The following CLUH variants were observed in gnomAD, a reference collection of about 807,000 sequenced individuals.
CLUH encodes CLUH binding protein of NUMT mRNA.
CLUH carries 77 observed loss-of-function variants against 139.3 expected under a neutral mutation model. The ratio of observed to expected loss-of-function variants is 0.55; its 90% confidence interval spans 0.46 to 0.67. CLUH has a LOEUF of 0.67. Ranked by LOEUF, CLUH falls within the 30% of genes least tolerant of loss-of-function variation. CLUH has a pLI of 0.00. For synonymous variants in CLUH, 999 were observed against 801.6 expected, an observed-to-expected ratio of 1.25 and a Z score of -4.16; for missense variants, 1,876 against 1,875.8, an observed-to-expected ratio of 1.00 and a Z score of 0.00.
chr17:2,703,517 G>C lies in CLUH; in HGVS notation c.304-28C>G, dbSNP rs369451570. The stretch of plus-strand genomic sequence containing the variant: ...GCAGGGAGAAGGCCCCGCCCACCCC[G>C]GTGAGAGAGCACGTAGCGGGGAGAG... On this transcript the variant is annotated intron_variant, in intron 2 of 25. Transcript: ENST00000651024. The surrounding 1 kb of genome is among the most constrained non-coding windows in gnomAD (Gnocchi z 4.2). 2.5e-6 allele frequency: 4 copies of C among 1,605,850 alleles called. No individual in the cohort carries two copies. The African/African-American group carries it at 4.0e-5, about 16-fold the overall frequency.
In CLUH at chr17:2,695,224, G is replaced by A. The variant is rs748372731; in HGVS notation, c.2601C>T (p.Tyr867=). Residue 867 remains tyrosine (Y), a synonymous_variant, in exon 15 of 26, where the codon TAC becomes TAT. Transcript: ENST00000651024. ...TRSAKHIFKT[Y]LQGVELSGLS... is the part of the protein sequence containing the mutation. Reference sequence around the variant, plus strand: ...CAGAGCGGACGGGTGGCACCTGTAAGTACGTCTTGAAGATGTGCTTGGCCG... The same window carrying A: ...CAGAGCGGACGGGTGGCACCTGTAAATACGTCTTGAAGATGTGCTTGGCCG... 11 of 1,613,948 alleles carry A rather than the reference G, an allele frequency of 6.8e-6. No individual in the cohort carries two copies. Among genetic ancestry groups the A allele is most frequent in the Non-Finnish European group, 9.3e-6 (11 of 1,179,870 alleles).
At position 2,698,084 on chromosome 17, in the gene CLUH, G is replaced by A. The variant is rs1463366289; in HGVS notation, c.1773C>T (p.Gly591=). 1.9e-6 allele frequency: 3 copies of A among 1,606,108 alleles called. No homozygotes were observed. The highest frequency in any genetic ancestry group is 2.5e-6 in the Non-Finnish European group (3 of 1,178,138). The change falls in exon 10 of 26, where the codon GGC becomes GGT. Residue 591 remains glycine (G), a synonymous_variant. Transcript: ENST00000651024. ...AGTGGCGCCCGTCGTTGCCAATGAT[G>A]CCCTTGCACTCGACCGAGGAGCAGA... The part of the protein sequence containing the change: ...VELCSSVECK[G]IIGNDGRHYI...
chr17:2,693,844 C>T (rs2069818004), intron 19 of CLUH, 56 bp downstream of exon 19: 2 of 1,549,764 alleles, frequency 1.3e-6, no homozygotes, highest in East Asian at 2.4e-5. Flanking sequence ...GGGGCCCCCT[C>T]ACTCCCCATC....
chr17:2,711,215 A>G (rs2070510219), intron 1 of CLUH: 1 of 152,178 alleles, frequency 6.6e-6, no homozygotes, highest in Non-Finnish European at 1.5e-5. Flanking sequence ...GAGAGCTCCC[A>G]TGCTCGGGCG....
intron 9 of CLUH, among the ~76,000 whole-genome samples, chr17:2,698,849 G>C (rs1255582570): frequency 6.6e-6 from 1 of 152,144 alleles, no homozygotes; most frequent in Non-Finnish European, 1.5e-5. Flanking sequence ...TTCGAGACCA[G>C]CCTGACCAAT....
In CLUH at chr17:2,696,311, C is replaced by T. The variant is rs146153313; in HGVS notation, c.2291-52G>A. 1.4e-4 allele frequency: 209 copies of T among 1,525,002 alleles called. No homozygotes were observed. The African/African-American group carries it at 1.5e-3, about 11-fold the overall frequency. The allele number at this position is 1,525,002 out of a possible 1,614,324, so 94.5% of individuals were successfully genotyped here. On this transcript the variant is annotated intron_variant, in intron 12 of 25. Coordinates refer to ENST00000651024, the MANE Select transcript of CLUH (RefSeq NM_001366661.1). ...AGCCAGGCAGTGGCAAGACAAATGC[C>T]GCCTGGCGCTGGCGGGGGAAGCGCT...
At position 2,692,100 on chromosome 17, in the gene CLUH, G is replaced by T; in HGVS notation, c.3561-3C>A. ...AGACTCGGGCGACAAGGTGGTGGCT[G>T]CCGGGAGGCGCGGCGCGGGGCGAGG... On this transcript the variant is annotated splice_polypyrimidine_tract_variant and splice_region_variant and intron_variant, in intron 22 of 25. Coordinates refer to ENST00000651024, the MANE Select transcript of CLUH (RefSeq NM_001366661.1). 6 of 1,598,380 alleles carry T rather than the reference G, an allele frequency of 3.8e-6. No homozygotes were observed. The highest frequency in any genetic ancestry group is 5.1e-6 in the Non-Finnish European group (6 of 1,173,802).
chr17:2,691,951 G>T (rs1236114924), intron 23 of CLUH, 53 bp downstream of exon 23: 242 of 1,098,788 alleles, frequency 2.2e-4, no homozygotes, highest in African/African-American at 3.0e-4. Context: ...CCCCGCCCCC[G>T]CCCCGCCACG....
chr17:2,703,890 G>C lies in CLUH; in HGVS notation c.304-401C>G, dbSNP rs1019306215. On this transcript the variant is annotated intron_variant, in intron 2 of 25. Transcript: ENST00000651024. This position sits in a 1 kb window ranked among gnomAD's most constrained non-coding sequence, Gnocchi z 4.2. ...TTCCCCTTCCAGAAGGGGTGCTCTG[G>C]GGCCCAAGCCTGCGGGTGCCGAGAC... Among the ~76,000 whole-genome samples the C allele has an allele frequency of 1.1e-4, 16 of 152,182 alleles. No individual in the cohort carries two copies. Among genetic ancestry groups the C allele is most frequent in the Non-Finnish European group, 1.3e-4 (9 of 68,030 alleles).
In CLUH at chr17:2,690,128, C is replaced by CG. The variant is rs2069565838; in HGVS notation, c.*465dup. The CG allele has an allele frequency of 6.4e-6, 1 of 156,398 alleles. No homozygotes were observed. Among genetic ancestry groups the CG allele is most frequent in the Non-Finnish European group, 1.4e-5 (1 of 70,880 alleles). The allele number at this position is 156,398 out of a possible 1,614,324, so 9.7% of individuals were successfully genotyped here. On this transcript the variant is annotated 3_prime_UTR_variant, in exon 26 of 26. Transcript: ENST00000651024. Reference sequence around the variant, plus strand: ...CCTGAACTTTCAGACAGGCTGGGCCCGGGGGTGGTGGCAGCCAAAGCAGCA... The same window carrying CG: ...CCTGAACTTTCAGACAGGCTGGGCCCGGGGGGTGGTGGCAGCCAAAGCAGCA...
chr17:2,707,977 T>A lies in CLUH; in HGVS notation c.101-3413A>T. The A allele has an allele frequency of 1.0e-6, 1 of 985,430 alleles. No homozygotes were observed. The highest frequency in any genetic ancestry group is 1.2e-6 in the Non-Finnish European group (1 of 829,914). 61.0% of individuals were successfully genotyped at this position (985,430 alleles called of 1,614,324 possible). A position where few individuals can be genotyped will look rare whatever the true frequency, so the allele number is the denominator to read the frequency against. The stretch of plus-strand genomic sequence containing the variant: ...TCCATCAAGAAGCTGGCAGGCTCCA[T>A]CTTCCCTTCCCAGCAGCCCCGGCTC... On this transcript the variant is annotated intron_variant, in intron 1 of 25. Transcript: ENST00000651024. This position sits in a 1 kb window ranked among gnomAD's most constrained non-coding sequence, Gnocchi z 7.4.
chr17:2,695,457 G>T lies in CLUH; in HGVS notation c.2461C>A (p.Arg821=), dbSNP rs367657982. 13 of 1,611,416 alleles carry T rather than the reference G, an allele frequency of 8.1e-6. No homozygotes were observed. The highest frequency in any genetic ancestry group is 1.0e-5 in the Non-Finnish European group (12 of 1,179,768). Residue 821 remains arginine, a synonymous_variant, in exon 14 of 26, where the codon CGG becomes AGG. Transcript: ENST00000651024. ...CCCAGGTAGCGCATGTTGATGCCCC[G>T]CTGGCGCATCACCTCTGCCAGCGTT... ...GATLAEVMRQ[R]GINMRYLGKV... is the part of the protein sequence containing the mutation.
Position 2,701,482 on chromosome 17 carries a change from C to T in CLUH, c.783G>A (p.Trp261Ter). 6.2e-7 allele frequency: 1 copy of T among 1,613,882 alleles called. No individual in the cohort carries two copies. The highest frequency in any genetic ancestry group is 8.5e-7 in the Non-Finnish European group (1 of 1,179,866). Residue 261 changes from tryptophan (W) to a stop codon, truncating the protein, a stop_gained, in exon 6 of 26, where the codon TGG becomes TGA. Coordinates refer to ENST00000651024, the MANE Select transcript of CLUH (RefSeq NM_001366661.1). LOFTEE classifies it high-confidence loss of function. ...QCLKVLTMSGWNPPPGNRKMH... is the reference protein window; with the variant it reads ...QCLKVLTMSG ...TCTTCCGGTTCCCCGGGGGCGGGTTCCATCCGCTCATGGTGAGTACTTTCA... is the reference window on the plus strand; with the variant it reads ...TCTTCCGGTTCCCCGGGGGCGGGTTTCATCCGCTCATGGTGAGTACTTTCA...
chr17:2,710,292 G>A (rs1049729036), intron 1 of CLUH, among the ~76,000 whole-genome samples: 1 of 152,210 alleles, frequency 6.6e-6, no homozygotes, highest in Non-Finnish European at 1.5e-5. Context: ...GTAGGTTGGG[G>A]CGATGAGCAT....
intron 9 of CLUH, 90 bp downstream of exon 9, chr17:2,700,292 G>C (rs991042735): frequency 1.6e-6 from 2 of 1,257,988 alleles, no homozygotes; most frequent in Non-Finnish European, 1.1e-6. Flanking sequence ...GGCTGCCCCT[G>C]CCTCCCTTGC....
At chr17:2,694,367 C>A in intron 17 of CLUH, 91 bp from the exon 18 acceptor site, 1 of 1,523,064 alleles carries the variant, frequency 6.6e-7, no homozygotes, top group Non-Finnish European at 8.9e-7. Flanking sequence ...GCACAGACGG[C>A]TACCGTGAAA....
At chr17:2,702,084 C>G in intron 3 of CLUH, 27 bp from the exon 4 acceptor site, 2 of 1,609,154 alleles carry the variant, frequency 1.2e-6, no homozygotes, top group East Asian at 4.5e-5. Flanking sequence ...GAGGGTATGG[C>G]GTTACCAGGG....
intron 22 of CLUH, 22 bp downstream of exon 22, chr17:2,692,339 G>A (rs781182285): frequency 5.9e-6 from 9 of 1,535,918 alleles, no homozygotes; most frequent in Middle Eastern, 2.0e-4. Context: ...CGGCCTTGGC[G>A]TTTGGACGGG....
chr17:2,695,178 C>T, intron 15 of CLUH, 40 bp downstream of exon 15: 2 of 1,613,752 alleles, frequency 1.2e-6, no homozygotes, highest in Admixed American at 1.7e-5. Context: ...CCACACCACC[C>T]TGGGAGGCCA....
Sources: allele counts gnomAD v4.1 joint callset (sites outside exome capture counted in the v4.1 genomes callset), GRCh38; gene constraint gnomAD v4.1.1; non-coding constraint Gnocchi (gnomAD v3.1); transcripts MANE v1.5; gene names NCBI Gene and HGNC (gene_info 2026-07-23, HGNC 2026-07-21).